The following OPCML variants were observed in gnomAD, a reference collection of about 807,000 sequenced individuals.
OPCML encodes the protein opioid binding protein/cell adhesion molecule like.
In OPCML, 13 loss-of-function variants were observed where a neutral mutation model predicts 37.8. That is an observed-to-expected ratio of 0.34 (90% CI 0.22 to 0.55). The LOEUF (loss-of-function observed/expected upper bound fraction) is 0.55, where lower values mean the gene tolerates loss of function less well. OPCML is among the 20% of genes least tolerant of loss of function. The pLI is 0.91. For synonymous variants in OPCML, 176 were observed against 168.8 expected (o/e 1.04, Z -0.33); for missense variants, 341 against 435.6 (o/e 0.78, Z 1.93).
intron 4 of OPCML, among the ~76,000 whole-genome samples, chr11:132,444,916 C>T (rs1284042078): frequency 6.6e-6 from 1 of 152,220 alleles, no homozygotes; most frequent in Non-Finnish European, 1.5e-5. Context: ...GATAAACCCA[C>T]TGTTTCATTT....
At chr11:133,017,674 C>G (rs1947359770) in intron 1 of OPCML, among the ~76,000 whole-genome samples, 1 of 152,176 alleles carries the variant, frequency 6.6e-6, no homozygotes, top group African/African-American at 2.4e-5. Context: ...CAGGCATGAG[C>G]CACTGCGCCT....
At chr11:133,209,472 A>G (rs796206626) in intron 1 of OPCML, among the ~76,000 whole-genome samples, 18 of 152,272 alleles carry the variant, frequency 1.2e-4, no homozygotes, top group African/African-American at 4.1e-4. Flanking sequence ...AAAGAAACCC[A>G]TGGGGCAAAT....
intron 1 of OPCML, among the ~76,000 whole-genome samples, chr11:133,077,624 T>C (rs1452781885): frequency 1.3e-5 from 2 of 152,158 alleles, no homozygotes; most frequent in East Asian, 1.9e-4. Flanking sequence ...AGAATTTCTA[T>C]TAAATGAAGG....
At chr11:133,050,879 T>G (rs1325703548) in intron 1 of OPCML, among the ~76,000 whole-genome samples, 1 of 152,188 alleles carries the variant, frequency 6.6e-6, no homozygotes, top group Non-Finnish European at 1.5e-5. Flanking sequence ...CATCAGCCTC[T>G]GCTTCTTTTC....
chr11:133,486,214 T>G (rs1369611506), intron 1 of OPCML, among the ~76,000 whole-genome samples: 2 of 152,210 alleles, frequency 1.3e-5, no homozygotes, highest in African/African-American at 2.4e-5. Context: ...AGAGAATGTT[T>G]GTGGTGATTT....
intron 1 of OPCML, among the ~76,000 whole-genome samples, chr11:133,519,347 G>T (rs1186015456): frequency 6.6e-6 from 1 of 152,156 alleles, no homozygotes; most frequent in South Asian, 2.1e-4. Flanking sequence ...TAATTTATTT[G>T]TGAAAAATAA....
chr11:133,267,949 C>G (rs996264354), intron 1 of OPCML, among the ~76,000 whole-genome samples: 2 of 152,144 alleles, frequency 1.3e-5, no homozygotes, highest in African/African-American at 4.8e-5. Flanking sequence ...TATAAATTAT[C>G]CAGTCTCGGG....
chr11:132,638,186 T>TATATATATATAGAGAG (rs71067383), intron 3 of OPCML, among the ~76,000 whole-genome samples: 3 of 131,020 alleles, frequency 2.3e-5, no homozygotes, highest in African/African-American at 8.3e-5. Flanking sequence ...TATATATATA[T>TATATATATATAGAGAG]ACAGAGAGAG....
At chr11:133,116,430 T>C (rs1949334224) in intron 1 of OPCML, among the ~76,000 whole-genome samples, 1 of 152,210 alleles carries the variant, frequency 6.6e-6, no homozygotes, top group African/African-American at 2.4e-5. Flanking sequence ...AATCATACAC[T>C]GCAATTGACT....
intron 1 of OPCML, among the ~76,000 whole-genome samples, chr11:133,304,366 C>T (rs1209702719): frequency 6.6e-6 from 1 of 152,176 alleles, no homozygotes; most frequent in African/African-American, 2.4e-5. Flanking sequence ...ACCTGACAGG[C>T]CTGGAGGACA....
rs563230728 is a variant in OPCML at position 133,034,851 on chromosome 11, C to A, written c.62-91841G>T. 8.8e-4 allele frequency among the ~76,000 whole-genome samples: 134 copies of A among 152,048 alleles called. 3 individuals are homozygous for A. The South Asian group carries it at 0.026, about 30-fold the overall frequency. ...TGCAGGAACCCTCCATTCTGGACCC[C>A]AGATCTTTTTTTATGCACCCCTCAT... On this transcript the variant is annotated intron_variant, in intron 1 of 7. Transcript: ENST00000524381.
chr11:133,401,040 T>G (rs188829396), intron 1 of OPCML, among the ~76,000 whole-genome samples: 1 of 152,198 alleles, frequency 6.6e-6, no homozygotes, highest in Non-Finnish European at 1.5e-5. Context: ...CAAGTAATAA[T>G]CCGAGTCTAC....
chr11:133,059,961 C>T (rs1015767598), intron 1 of OPCML, among the ~76,000 whole-genome samples: 3 of 152,190 alleles, frequency 2.0e-5, no homozygotes, highest in African/African-American at 4.8e-5. Flanking sequence ...ATTATCTTTA[C>T]AGCTGTTGAT....
intron 1 of OPCML, among the ~76,000 whole-genome samples, chr11:133,277,072 C>A (rs1482167744): frequency 1.3e-5 from 2 of 152,144 alleles, no homozygotes; most frequent in African/African-American, 4.8e-5. Context: ...TTGTTTACTG[C>A]AACATGCTCA....
intron 1 of OPCML, among the ~76,000 whole-genome samples, chr11:133,514,092 A>G (rs1948213716): frequency 6.6e-6 from 1 of 152,212 alleles, no homozygotes; most frequent in Non-Finnish European, 1.5e-5. Flanking sequence ...TCACGAAACG[A>G]AAACAAAGAC....
intron 1 of OPCML, among the ~76,000 whole-genome samples, chr11:133,042,000 C>A (rs551688224): frequency 1.4e-3 from 206 of 152,252 alleles, no homozygotes; most frequent in Non-Finnish European, 1.6e-3. Context: ...ACCTTTCCAT[C>A]CCCCTCATCG....
chr11:133,027,817 G>GTGTAC (rs1192861883), intron 1 of OPCML, among the ~76,000 whole-genome samples: 6 of 1,508 alleles, frequency 4.0e-3, no homozygotes, highest in African/African-American at 9.8e-3. Context: ...GTCTGTGGTG[G>GTGTAC]GATGTGGGGG....
chr11:133,257,582 A>G (rs1332151549), intron 1 of OPCML, among the ~76,000 whole-genome samples: 1 of 152,156 alleles, frequency 6.6e-6, no homozygotes, highest in Non-Finnish European at 1.5e-5. Flanking sequence ...GAGCTACAAT[A>G]CTGTGTCCAC....
intron 1 of OPCML, among the ~76,000 whole-genome samples, chr11:133,342,790 G>A (rs908815539): frequency 5.3e-5 from 8 of 152,078 alleles, no homozygotes; most frequent in Admixed American, 2.0e-4. Context: ...GGACATAGAG[G>A]GAGCAAGAAC....
Sources: allele counts gnomAD v4.1 joint callset (sites outside exome capture counted in the v4.1 genomes callset), GRCh38; gene constraint gnomAD v4.1.1; transcripts MANE v1.5; gene names NCBI Gene and HGNC (gene_info 2026-07-23, HGNC 2026-07-21).